The following PPP3CA variants were observed in gnomAD, a reference collection of about 807,000 sequenced individuals.
The protein encoded by PPP3CA is protein phosphatase 3 catalytic subunit alpha.
PPP3CA carries 14 observed loss-of-function variants against 66.5 expected under a neutral mutation model. The ratio of observed to expected loss-of-function variants is 0.21; its 90% CI spans 0.14 to 0.33. The LOEUF is 0.33. Ranked by LOEUF, PPP3CA falls within the 10% of genes least tolerant of loss-of-function variation. The pLI, the probability that PPP3CA is intolerant of heterozygous loss-of-function variation, is 1.00. For synonymous variants in PPP3CA, 232 were observed against 226.2 expected, an observed-to-expected ratio of 1.03 and a Z score of -0.23; for missense variants, 317 against 639.5, an observed-to-expected ratio of 0.50 and a Z score of 5.44.
At chr4:101,063,443 C>T in intron 8 of PPP3CA, 86 bp from the exon 9 acceptor site, 2 of 1,452,288 alleles carry the variant, frequency 1.4e-6, no homozygotes, top group Non-Finnish European at 1.8e-6. Context: ...AAAATTCAAC[C>T]ATTTGACTGA....
Position 101,346,772 on chromosome 4 carries a change from G to T in PPP3CA, c.25C>A (p.Pro9Thr), listed in dbSNP as rs746412506. Residue 9 changes from proline (P) to threonine (T), a missense_variant, in exon 1 of 14, where the codon CCC becomes ACC. By Grantham distance (38) the Pro-to-Thr change is conservative. Coordinates refer to ENST00000394854, the MANE Select transcript of PPP3CA (RefSeq NM_000944.5). The stretch of plus-strand genomic sequence containing the variant: ...ACCCTGTCGGTCGTCGACAACTTGG[G>T]ATCAATTGCCTTGGGCTCGGACATC... MSEPKAID[P>T]KLSTTDRVVK... The T allele has an allele frequency of 2.6e-5, 42 of 1,611,782 alleles. No homozygotes were observed. The East Asian group carries it at 4.5e-4, about 17-fold the overall frequency.
intron 6 of PPP3CA, among the ~76,000 whole-genome samples, chr4:101,086,428 T>C (rs900118851): frequency 6.6e-6 from 1 of 152,150 alleles, no homozygotes; most frequent in Non-Finnish European, 1.5e-5. Context: ...ATTAATTCTG[T>C]TTATTCTCTT....
intron 2 of PPP3CA, among the ~76,000 whole-genome samples, chr4:101,111,319 A>C (rs1001518161): frequency 2.0e-5 from 3 of 152,138 alleles, no homozygotes; most frequent in African/African-American, 7.2e-5. Flanking sequence ...CCTTGCAACG[A>C]ATTTTATGCA....
rs560993660 is a variant in PPP3CA, at chr4:101,105,269, C to T, written c.384+3685G>A. On this transcript the variant is annotated intron_variant, in intron 3 of 13. Coordinates refer to ENST00000394854, the MANE Select transcript of PPP3CA (RefSeq NM_000944.5). ...GCAACCTCCGCCTCCTGGGTTCAAG[C>T]GATTCTCCTGCCTCAGCCTCCGGAG... is the stretch of plus-strand genomic sequence containing the variant. Among the ~76,000 whole-genome samples the T allele has an allele frequency of 6.0e-5, 9 of 150,742 alleles. No individual in the cohort carries two copies. The East Asian group carries it at 9.8e-4, about 16-fold the overall frequency.
chr4:101,330,824 C>A (rs1729363513), intron 1 of PPP3CA, among the ~76,000 whole-genome samples: 1 of 151,972 alleles, frequency 6.6e-6, no homozygotes, highest in African/African-American at 2.4e-5. Context: ...AACTTAAGGT[C>A]CAATTAAAAT....
chr4:101,180,438 G>A (rs761113969), intron 2 of PPP3CA, among the ~76,000 whole-genome samples: 6 of 152,072 alleles, frequency 3.9e-5, no homozygotes, highest in Non-Finnish European at 7.4e-5. Context: ...CTCCTTGCAG[G>A]CCATTTTTAA....
intron 1 of PPP3CA, among the ~76,000 whole-genome samples, chr4:101,337,085 A>AAG (rs1214051329): frequency 3.9e-5 from 6 of 152,250 alleles, no homozygotes; most frequent in Non-Finnish European, 7.3e-5. Context: ...ACTATTCTTC[A>AAG]GCACACATAA....
Position 101,025,849 on chromosome 4 carries a change from AGTGAACAGG to A in PPP3CA, c.*7_*15del. Reference sequence around the variant, plus strand: ...AAAAAAAAAAAAAAAAAAAAAAAAAAGTGAACAGGAAGTGGTCACTGAATATTGCTGCTA... The same window carrying A: ...AAAAAAAAAAAAAAAAAAAAAAAAAAAAGTGGTCACTGAATATTGCTGCTA... On this transcript the variant is annotated 3_prime_UTR_variant, in exon 14 of 14. Transcript: ENST00000394854. The A allele has an allele frequency of 3.3e-6, 4 of 1,195,696 alleles. No homozygotes were observed. The highest frequency in any genetic ancestry group is 2.6e-5 in the East Asian group (1 of 37,736). The allele number at this position is 1,195,696 out of a possible 1,614,324, so 74.1% of individuals were successfully genotyped here. A position where few individuals can be genotyped will look rare whatever the true frequency, so the allele number is the denominator to read the frequency against.
intron 2 of PPP3CA, among the ~76,000 whole-genome samples, chr4:101,155,107 G>A (rs932751232): frequency 7.9e-5 from 12 of 152,010 alleles, no homozygotes; most frequent in Non-Finnish European, 1.5e-4. Context: ...GAGCCAACGC[G>A]CCCAGCCATA....
At chr4:101,158,481 T>G (rs114282014) in intron 2 of PPP3CA, among the ~76,000 whole-genome samples, 1,541 of 152,330 alleles carry the variant, frequency 0.01, 9 homozygotes, top group Non-Finnish European at 0.018. Context: ...GAGGTTCAAA[T>G]GAAGATGAGT....
intron 1 of PPP3CA, among the ~76,000 whole-genome samples, chr4:101,331,830 T>C (rs1332628231): frequency 6.6e-6 from 1 of 152,166 alleles, no homozygotes; most frequent in Non-Finnish European, 1.5e-5. Context: ...ACATATGCTA[T>C]ATTATAAATA....
At chr4:101,155,080 G>T (rs1723274360) in intron 2 of PPP3CA, among the ~76,000 whole-genome samples, 1 of 152,134 alleles carries the variant, frequency 6.6e-6, no homozygotes, top group Non-Finnish European at 1.5e-5. Flanking sequence ...CTCCCAAAGT[G>T]CTGGGATTAC....
Position 101,194,567 on chromosome 4 carries a change from AT to A in PPP3CA, c.259+1348del, listed in dbSNP as rs890358479. ...GGTATTAGAAGCTGTATACTATACA[AT>A]TTTTTTTTCTTTTTTTGAGATGGAG... On this transcript the variant is annotated intron_variant, in intron 2 of 13. Coordinates refer to ENST00000394854, the MANE Select transcript of PPP3CA (RefSeq NM_000944.5). 6.1e-4 allele frequency among the ~76,000 whole-genome samples: 93 copies of A among 151,428 alleles called. 1 individual carries two copies. Among genetic ancestry groups the A allele is most frequent in the African/African-American group, 2.0e-3 (83 of 41,294 alleles).
chr4:101,288,738 T>C (rs569292044), intron 1 of PPP3CA, among the ~76,000 whole-genome samples: 2 of 151,960 alleles, frequency 1.3e-5, no homozygotes, highest in Non-Finnish European at 2.9e-5. Flanking sequence ...TAAAAAAAAA[T>C]AAAGGAAGCA....
At chr4:101,331,439 G>T (rs1480357528) in intron 1 of PPP3CA, among the ~76,000 whole-genome samples, 2 of 152,132 alleles carry the variant, frequency 1.3e-5, no homozygotes, top group Non-Finnish European at 2.9e-5. Context: ...AATGTGCCAG[G>T]CATTGCACTA....
At chr4:101,224,261 G>T (rs934753158) in intron 1 of PPP3CA, among the ~76,000 whole-genome samples, 2 of 151,702 alleles carry the variant, frequency 1.3e-5, no homozygotes, top group African/African-American at 2.4e-5. Context: ...TTACCAGCTG[G>T]ATTTTTTAAA....
chr4:101,335,694 T>G (rs780475240), intron 1 of PPP3CA, among the ~76,000 whole-genome samples: 8 of 152,096 alleles, frequency 5.3e-5, no homozygotes, highest in Non-Finnish European at 2.9e-5. Flanking sequence ...AAAGGGTATC[T>G]CGGGATGCTA....
chr4:101,160,182 G>A (rs1417036223), intron 2 of PPP3CA, among the ~76,000 whole-genome samples: 5 of 152,028 alleles, frequency 3.3e-5, no homozygotes, highest in Non-Finnish European at 7.4e-5. Flanking sequence ...TTAGAAGTGT[G>A]CTAAGTACAA....
Position 101,346,873 on chromosome 4 carries a change from C to CTCAACG in PPP3CA, c.-83_-78dup. On this transcript the variant is annotated 5_prime_UTR_variant, in exon 1 of 14. Coordinates refer to ENST00000394854, the MANE Select transcript of PPP3CA (RefSeq NM_000944.5). The stretch of plus-strand genomic sequence containing the variant: ...CCCGACCGGACCGGCGGGCCAGACA[C>CTCAACG]TCAACGCCGCCGCCGCCGCCGCCGC... 7.1e-7 allele frequency: 1 copy of CTCAACG among 1,403,382 alleles called. No homozygotes were observed. The highest frequency in any genetic ancestry group is 1.3e-5 in the South Asian group (1 of 78,884). The allele number at this position is 1,403,382 out of a possible 1,614,324, so 86.9% of individuals were successfully genotyped here. A position where few individuals can be genotyped will look rare whatever the true frequency, so the allele number is the denominator to read the frequency against.
Sources: allele counts gnomAD v4.1 joint callset (sites outside exome capture counted in the v4.1 genomes callset), GRCh38; gene constraint gnomAD v4.1.1; transcripts MANE v1.5; gene names NCBI Gene and HGNC (gene_info 2026-07-23, HGNC 2026-07-21).